Variants in FER observed in about 807,000 individuals in gnomAD.
FER encodes FER tyrosine kinase, also known as tyrosine-protein kinase Fer.
Under a neutral mutation model 111.0 loss-of-function variants are expected in FER, and 63 were observed. That is an observed-to-expected ratio of 0.57 (90% CI 0.46 to 0.70). The LOEUF is 0.70. FER is among the 30% of genes least tolerant of loss of function. FER has a pLI of 0.00. For missense variants in FER, 914 were observed against 954.0 expected (o/e 0.96, Z 0.55); for synonymous variants, 327 against 313.9 (o/e 1.04, Z -0.44).
At chr5:109,052,137 G>T in intron 16 of FER, 1 of 1,604,434 alleles carries the variant, frequency 6.2e-7, no homozygotes, top group Non-Finnish European at 8.5e-7. Flanking sequence ...CCTCTTTCTT[G>T]TTCAGTTTCT....
chr5:109,102,899 C>T (rs1748429527), intron 17 of FER, among the ~76,000 whole-genome samples: 1 of 151,892 alleles, frequency 6.6e-6, no homozygotes, highest in Non-Finnish European at 1.5e-5. Context: ...AACCCTGTTC[C>T]TATGTGCCAG....
At chr5:109,157,516 G>GT (rs148995299) in intron 17 of FER, among the ~76,000 whole-genome samples, 15,216 of 147,656 alleles carry the variant, frequency 0.1, 776 homozygotes, top group Non-Finnish European at 0.13. Flanking sequence ...GATGAGTTCT[G>GT]TTTTTTTTTT....
intron 17 of FER, among the ~76,000 whole-genome samples, chr5:109,178,309 A>G (rs1193198812): frequency 6.6e-6 from 1 of 152,236 alleles, no homozygotes; most frequent in African/African-American, 2.4e-5. Flanking sequence ...TTTTATTTAC[A>G]CTGAATTGAG....
Position 108,872,082 on chromosome 5 carries a change from T to A in FER, c.804-11T>A. 1 of 1,608,288 alleles carries A rather than the reference T, an allele frequency of 6.2e-7. No individual in the cohort carries two copies. Among genetic ancestry groups the A allele is most frequent in the African/African-American group, 1.3e-5 (1 of 74,744 alleles). ...TTACAATGATCAAAATTATTTGCCA[T>A]GCTTTACTAGAACAACGGCTGCTAA... is the stretch of plus-strand genomic sequence containing the variant. On this transcript the variant is annotated splice_polypyrimidine_tract_variant and intron_variant, in intron 7 of 19. Transcript: ENST00000281092.
At chr5:109,005,425 AAC>A (rs1765373725) in intron 13 of FER, among the ~76,000 whole-genome samples, 1 of 152,068 alleles carries the variant, frequency 6.6e-6, no homozygotes, top group African/African-American at 2.4e-5. Context: ...ATACTTATGT[AAC>A]ACATACATAT....
At chr5:109,123,178 C>T (rs1293058281) in intron 17 of FER, among the ~76,000 whole-genome samples, 40 of 104,224 alleles carry the variant, frequency 3.8e-4, no homozygotes, top group African/African-American at 1.3e-3. Context: ...TTTTTTGAGA[C>T]GGAGTCTCAC....
At chr5:109,025,069 G>C in intron 13 of FER, among the ~76,000 whole-genome samples, 1 of 152,026 alleles carries the variant, frequency 6.6e-6, no homozygotes. Flanking sequence ...CTCCAGCTTT[G>C]TTCTTTTGGC....
intron 13 of FER, among the ~76,000 whole-genome samples, chr5:109,002,963 C>G (rs1055458944): frequency 6.6e-6 from 1 of 152,134 alleles, no homozygotes. Context: ...AGTCAGGAAA[C>G]AACAGGTGCT....
chr5:108,808,575 GTAGT>G (rs1354993660), intron 3 of FER, among the ~76,000 whole-genome samples: 1 of 151,970 alleles, frequency 6.6e-6, no homozygotes, highest in African/African-American at 2.4e-5. Flanking sequence ...TTTAAGTGGA[GTAGT>G]TAGACAGTTT....
chr5:109,153,540 G>A (rs1314339444), intron 17 of FER, among the ~76,000 whole-genome samples: 1 of 151,872 alleles, frequency 6.6e-6, no homozygotes, highest in Non-Finnish European at 1.5e-5. Context: ...GAAAGATCTT[G>A]GGTGGGACAG....
chr5:109,069,003 A>T (rs969453992), intron 16 of FER, among the ~76,000 whole-genome samples: 1 of 151,972 alleles, frequency 6.6e-6, no homozygotes, highest in Non-Finnish European at 1.5e-5. Context: ...CTAACTAATT[A>T]AAAAATTAAT....
At chr5:109,172,561 C>T (rs1189308043) in intron 17 of FER, among the ~76,000 whole-genome samples, 7 of 150,096 alleles carry the variant, frequency 4.7e-5, no homozygotes, top group Admixed American at 2.6e-4. Flanking sequence ...GTGCAGCACA[C>T]CAGCATGGCA....
intron 17 of FER, among the ~76,000 whole-genome samples, chr5:109,114,691 C>CA (rs1484039516): frequency 7.2e-5 from 11 of 151,812 alleles, no homozygotes; most frequent in Non-Finnish European, 8.8e-5. Context: ...TTTTATTTAC[C>CA]AAAAAAATAA....
intron 8 of FER, among the ~76,000 whole-genome samples, chr5:108,880,246 G>T (rs1198536837): frequency 6.6e-6 from 1 of 152,152 alleles, no homozygotes; most frequent in Non-Finnish European, 1.5e-5. Context: ...AGGGAAATGT[G>T]CAGGGAAGAG....
intron 10 of FER, among the ~76,000 whole-genome samples, chr5:108,909,791 C>T (rs1014794407): frequency 6.7e-6 from 1 of 150,196 alleles, no homozygotes; most frequent in African/African-American, 2.4e-5. Flanking sequence ...ATATATGTAT[C>T]ATATATATAC....
intron 5 of FER, among the ~76,000 whole-genome samples, chr5:108,844,875 A>G (rs1441386553): frequency 4.0e-5 from 6 of 150,326 alleles, no homozygotes; most frequent in African/African-American, 1.2e-4. Context: ...ACTCTATTGT[A>G]TGGATCTACT....
Position 109,190,017 on chromosome 5 carries a change from C to G in FER, c.*2442C>G, listed in dbSNP as rs530726805. 1 of 152,240 alleles carries G rather than the reference C, an allele frequency of 6.6e-6. No homozygotes were observed. Among genetic ancestry groups the G allele is most frequent in the African/African-American group, 2.4e-5 (1 of 41,542 alleles). The allele number at this position is 152,240 out of a possible 1,614,324, so 9.4% of individuals were successfully genotyped here. On this transcript the variant is annotated 3_prime_UTR_variant, in exon 20 of 20. Transcript: ENST00000281092. ...AGGATTAATAACTTATTGGGAGTCT[C>G]TCAGTCATATAGAATATTAAATTTA...
At chr5:108,902,674 T>A (rs953560605) in intron 10 of FER, among the ~76,000 whole-genome samples, 1 of 152,220 alleles carries the variant, frequency 6.6e-6, no homozygotes, top group Admixed American at 6.5e-5. Flanking sequence ...CCTTTCTTAT[T>A]GAATTGGGAT....
chr5:108,879,726 T>TATATATATATATATATATATA, intron 8 of FER, among the ~76,000 whole-genome samples: 1 of 85,188 alleles, frequency 1.2e-5, no homozygotes, highest in Non-Finnish European at 2.5e-5. Flanking sequence ...ATATATATAT[T>TATATATATATATATATATATA]TGAGGCAAAG....
Sources: gnomAD v4.1 joint callset for allele counts (sites outside exome capture counted in the v4.1 genomes callset) on GRCh38, gnomAD v4.1.1 for gene constraint, MANE v1.5 for transcripts, NCBI Gene and HGNC (gene_info 2026-07-23, HGNC 2026-07-21) for gene names.